Variants in CHST4 observed in about 807,000 individuals in gnomAD.
CHST4 encodes the protein carbohydrate sulfotransferase 4, also known as GST-3.
For missense variants in CHST4, 466 were observed against 506.0 expected, an observed-to-expected ratio of 0.92 and a Z score of 0.76; for synonymous variants, 171 against 195.5, an observed-to-expected ratio of 0.87 and a Z score of 1.05.
chr16:71,529,796 T>C (rs925279832), intron 1 of CHST4, among the ~76,000 whole-genome samples: 2 of 152,126 alleles, frequency 1.3e-5, no homozygotes, highest in African/African-American at 2.4e-5. Flanking sequence ...GAGGCACCCA[T>C]ACAGGCTTTT....
At chr16:71,530,765 C>A (rs2043942563) in intron 1 of CHST4, among the ~76,000 whole-genome samples, 1 of 148,872 alleles carries the variant, frequency 6.7e-6, no homozygotes, top group South Asian at 2.1e-4. Context: ...CAGAGTGAGA[C>A]CCCCGACTCT....
intron 1 of CHST4, among the ~76,000 whole-genome samples, chr16:71,533,382 G>A (rs1490165200): frequency 2.0e-5 from 3 of 148,180 alleles, no homozygotes; most frequent in Non-Finnish European, 3.0e-5. Flanking sequence ...CCGAGATCGC[G>A]CCAGTGTGTA....
At chr16:71,533,751 T>C (rs2043966088) in intron 1 of CHST4, among the ~76,000 whole-genome samples, 1 of 151,984 alleles carries the variant, frequency 6.6e-6, no homozygotes, top group Non-Finnish European at 1.5e-5. Flanking sequence ...GTCATAAGAT[T>C]TCCCCTCCAG....
intron 1 of CHST4, among the ~76,000 whole-genome samples, chr16:71,534,628 G>T (rs912847524): frequency 3.3e-5 from 5 of 151,926 alleles, no homozygotes; most frequent in Non-Finnish European, 1.5e-5. Flanking sequence ...AAAGTGTTGG[G>T]ACTACAGGCA....
chr16:71,530,194 G>C (rs1406693939), intron 1 of CHST4, among the ~76,000 whole-genome samples: 1 of 151,948 alleles, frequency 6.6e-6, no homozygotes. Flanking sequence ...TTCTTTCAGG[G>C]AGAAGGCAGG....
At chr16:71,529,984 C>T (rs1164399913) in intron 1 of CHST4, among the ~76,000 whole-genome samples, 1 of 151,972 alleles carries the variant, frequency 6.6e-6, no homozygotes, top group East Asian at 1.9e-4. Context: ...CCCATTTCCA[C>T]TAGAAATACA....
rs757356463 is a variant in CHST4 at position 71,537,869 on chromosome 16, T to C, written c.*31T>C. On this transcript the variant is annotated 3_prime_UTR_variant, in exon 2 of 2. Coordinates refer to ENST00000539698, the MANE Select transcript of CHST4 (RefSeq NM_001166395.2). The surrounding 1 kb of genome is among the most constrained non-coding windows in gnomAD (Gnocchi z 4.2). ...TTGAGAAGGCTTTGCTGCCACCTGGTGTCAGCCTCAGTCACTTTCTCTGAA... is the reference window on the plus strand; with the variant it reads ...TTGAGAAGGCTTTGCTGCCACCTGGCGTCAGCCTCAGTCACTTTCTCTGAA... 1.9e-6 allele frequency: 3 copies of C among 1,571,218 alleles called. No homozygotes were observed. The highest frequency in any genetic ancestry group is 8.6e-7 in the Non-Finnish European group (1 of 1,158,070).
At chr16:71,526,317 G>T (rs1277066594), upstream of CHST4, 1 of 152,198 alleles carries the variant, frequency 6.6e-6, no homozygotes, top group African/African-American at 2.4e-5. Flanking sequence ...TGCAAGGTGG[G>T]TCCTTTTTTG....
At position 71,537,109 on chromosome 16, in the gene CHST4, T is replaced by C. The variant is rs774167145; in HGVS notation, c.432T>C (p.Asp144=). Residue 144 remains aspartate (D), a synonymous_variant, in exon 2 of 2, where the codon GAT becomes GAC. Coordinates refer to ENST00000539698, the MANE Select transcript of CHST4 (RefSeq NM_001166395.2). This position sits in a 1 kb window ranked among gnomAD's most constrained non-coding sequence, Gnocchi z 4.2. ...CTGCCTGTGACATCATCCCACAAGA[T>C]GAAATCATCCCCCGGGCTCACTGCA... ...SAPACDIIPQ[D]EIIPRAHCRL... The C allele has an allele frequency of 9.3e-6, 15 of 1,613,948 alleles. No homozygotes were observed. In the East Asian group the frequency reaches 2.9e-4, roughly 31 times the overall value.
chr16:71,530,178 C>A (rs1356023880), intron 1 of CHST4, among the ~76,000 whole-genome samples: 1 of 151,840 alleles, frequency 6.6e-6, no homozygotes, highest in Non-Finnish European at 1.5e-5. Context: ...GAGAAAGAGA[C>A]AGAACTTCTT....
intron 1 of CHST4, among the ~76,000 whole-genome samples, chr16:71,532,230 G>A (rs2043954318): frequency 6.6e-6 from 1 of 151,926 alleles, no homozygotes; most frequent in Non-Finnish European, 1.5e-5. Context: ...TGTATTTTTA[G>A]TAGAGACGGG....
rs1457094421 is a variant in CHST4 at position 71,538,255 on chromosome 16, A to T, written c.*417A>T. 1.1e-5 allele frequency: 2 copies of T among 182,638 alleles called. No individual in the cohort carries two copies. Among genetic ancestry groups the T allele is most frequent in the Non-Finnish European group, 2.6e-5 (2 of 78,026 alleles). The allele number at this position is 182,638 out of a possible 1,614,324, so 11.3% of individuals were successfully genotyped here. On this transcript the variant is annotated 3_prime_UTR_variant, in exon 2 of 2. Transcript: ENST00000539698. ...CACCAGCATTTTCCACAGAGATGCA[A>T]ATTCTGAGCCCTTGGAGTTCCCAGT...
At position 71,533,185 on chromosome 16, in the gene CHST4, G is replaced by C. The variant is rs578258143; in HGVS notation, c.-18-3475G>C. 5.9e-5 allele frequency among the ~76,000 whole-genome samples: 9 copies of C among 152,280 alleles called. No individual in the cohort carries two copies. In the South Asian group the frequency reaches 1.9e-3, roughly 32 times the overall value. On this transcript the variant is annotated intron_variant, in intron 1 of 1. Transcript: ENST00000539698. ...TGCCTATATAATCCCAGCACTTTGGGAGGCTGAGGCGGGCAGACAACTTGA... is the reference window on the plus strand; with the variant it reads ...TGCCTATATAATCCCAGCACTTTGGCAGGCTGAGGCGGGCAGACAACTTGA...
chr16:71,530,879 G>C (rs2145203050), intron 1 of CHST4, among the ~76,000 whole-genome samples: 1 of 152,238 alleles, frequency 6.6e-6, no homozygotes, highest in South Asian at 2.1e-4. Flanking sequence ...TTAGGAGTTT[G>C]AGACCAGCCT....
chr16:71,536,810 G>A lies in CHST4; in HGVS notation c.133G>A (p.Val45Met), dbSNP rs549854802. Residue 45 changes from valine to methionine, a missense_variant, in exon 2 of 2, where the codon GTG becomes ATG. Transcript: ENST00000539698. ...GAAGGCACAGCCCGAGCGCATGCAC[G>A]TGCTGGTTCTGTCTTCCTGGCGCTC... Reference protein sequence around the residue: ...SMKAQPERMHVLVLSSWRSGS... With the variant: ...SMKAQPERMHMLVLSSWRSGS... The A allele has an allele frequency of 3.1e-5, 48 of 1,531,890 alleles. No individual in the cohort carries two copies. The Middle Eastern group carries it at 7.1e-4, about 23-fold the overall frequency. The allele number at this position is 1,531,890 out of a possible 1,614,324, so 94.9% of individuals were successfully genotyped here.
At chr16:71,535,340 T>C (rs949279638) in intron 1 of CHST4, among the ~76,000 whole-genome samples, 2 of 152,086 alleles carry the variant, frequency 1.3e-5, no homozygotes, top group Admixed American at 6.6e-5. Context: ...ACTCAGCTAA[T>C]TTTTGCATTT....
chr16:71,535,429 T>C (rs1487982700), intron 1 of CHST4, among the ~76,000 whole-genome samples: 1 of 152,222 alleles, frequency 6.6e-6, no homozygotes, highest in Non-Finnish European at 1.5e-5. Flanking sequence ...CAGCTCAGTC[T>C]CCCAAAGTGC....
chr16:71,533,036 T>A (rs951373804), intron 1 of CHST4, among the ~76,000 whole-genome samples: 46 of 148,910 alleles, frequency 3.1e-4, no homozygotes, highest in African/African-American at 1.2e-3. Context: ...TTTTTTTTGA[T>A]TTTTTTTTGC....
Position 71,537,675 on chromosome 16 carries a change from C to A in CHST4, c.998C>A (p.Ala333Asp), listed in dbSNP as rs756295634. The change falls in exon 2 of 2, where the codon GCT becomes GAT. Residue 333 changes from alanine to aspartate, a missense_variant. Transcript: ENST00000539698. The surrounding 1 kb of genome is among the most constrained non-coding windows in gnomAD (Gnocchi z 4.2). ...NARDALNVSQ[A>D]WRWSLPYEKV... ...AGGGATGCCCTTAATGTCTCCCAGG[C>A]TTGGCGCTGGTCTTTGCCCTATGAA... 1 of 1,614,116 alleles carries A rather than the reference C, an allele frequency of 6.2e-7. No homozygotes were observed. The highest frequency in any genetic ancestry group is 8.5e-7 in the Non-Finnish European group (1 of 1,180,042).
Sources: allele counts gnomAD v4.1 joint callset (sites outside exome capture counted in the v4.1 genomes callset), GRCh38; gene constraint gnomAD v4.1.1; non-coding constraint Gnocchi (gnomAD v3.1); transcripts MANE v1.5; gene names NCBI Gene and HGNC (gene_info 2026-07-23, HGNC 2026-07-21).